ALG13: variants seen among roughly 807,000 people sequenced by gnomAD.
ALG13 encodes UDP-N-acetylglucosamine transferase subunit ALG13.
In ALG13, 11 loss-of-function variants were observed where a neutral mutation model predicts 87.8. That is an observed-to-expected ratio of 0.13 (90% CI 0.08 to 0.21). ALG13 has a LOEUF of 0.21. ALG13 is among the 10% of genes least tolerant of loss of function. ALG13 has a pLI of 1.00. For synonymous variants in ALG13, 320 were observed against 306.3 expected (o/e 1.04, Z -0.47); for missense variants, 756 against 866.1 (o/e 0.87, Z 1.60).
chrX:111,744,674 C>G lies in ALG13; in HGVS notation c.2702C>G (p.Ala901Gly), dbSNP rs1445328051. ...SPPTHGRPVIASPSYPCHSAI... is the reference protein window; with the variant it reads ...SPPTHGRPVIGSPSYPCHSAI... ...TGTTTTGTTTCTTTGTTAGTGATTG[C>G]CTCACCATCCTATCCATGCCATTCT... Residue 901 changes from alanine to glycine, a missense_variant, in exon 24 of 27, where the codon GCC becomes GGC. This residue lies in a region of ALG13 where 362 missense variants were observed against 383.5 expected (regional missense o/e 0.94). Transcript: ENST00000394780. 2.5e-6 allele frequency: 3 copies of G among 1,182,108 alleles called. No individual in the cohort carries two copies. The highest frequency in any genetic ancestry group is 3.4e-6 in the Non-Finnish European group (3 of 883,429).
At chrX:111,708,827 A>G (rs1939229203) in intron 4 of ALG13, 138 bp from the exon 5 acceptor site, 1 of 402,611 alleles carries the variant, frequency 2.5e-6, no homozygotes, top group Non-Finnish European at 4.2e-6. Context: ...AAAAACTTTT[A>G]GTAAGATGAT....
rs769342903 is a variant in ALG13 at position 111,727,657 on chromosome X, G to A, written c.2134G>A (p.Glu712Lys). The A allele has an allele frequency of 9.9e-6, 12 of 1,207,931 alleles. No individual in the cohort carries two copies. ...CCGCCAGATGAGTTGTGTGAATAAG[G>A]AGTCCCAGTATGGATTTACCCCAGG... ...SHRQMSCVNKESQYGFTPGNG... is the reference protein window; with the variant it reads ...SHRQMSCVNKKSQYGFTPGNG... The change falls in exon 18 of 27, where the codon GAG (glutamate) becomes AAG (lysine). Residue 712 changes from glutamate to lysine, a missense_variant. By Grantham distance (56) the Glu-to-Lys change is moderately conservative (BLOSUM62 1). Around this residue, in one of 9 missense-constraint regions of ALG13, gnomAD observed 362 missense variants for 383.5 expected, o/e 0.94. Coordinates refer to ENST00000394780, the MANE Select transcript of ALG13 (RefSeq NM_001099922.3).
At chrX:111,693,903 C>T (rs1936573242) in intron 3 of ALG13, among the ~76,000 whole-genome samples, 1 of 111,193 alleles carries the variant, frequency 9.0e-6, no homozygotes, top group East Asian at 2.8e-4. Flanking sequence ...TAGGCTGAGG[C>T]GAACTTCAGT....
In ALG13 at chrX:111,708,248, A is replaced by G; in HGVS notation, c.605A>G (p.Tyr202Cys). 8.3e-7 allele frequency: 1 copy of G among 1,209,676 alleles called. No individual in the cohort carries two copies. The highest frequency in any genetic ancestry group is 3.0e-5 in the East Asian group (1 of 33,745). Residue 202 changes from tyrosine (Y) to cysteine (C), a missense_variant, in exon 4 of 27, where the codon TAC becomes TGC. Around this residue, in one of 9 missense-constraint regions of ALG13, gnomAD observed 153 missense variants for 168.7 expected, o/e 0.91. Coordinates refer to ENST00000394780, the MANE Select transcript of ALG13 (RefSeq NM_001099922.3). Reference protein sequence around the residue: ...FFPLPLTPTLYKMHKGWKNYC... With the variant: ...FFPLPLTPTLCKMHKGWKNYC... The stretch of plus-strand genomic sequence containing the variant: ...CCTCTCCCTCTTACCCCCACCCTGT[A>G]CAAAATGCATAAAGGATGGAAAAAC...
intron 26 of ALG13, among the ~76,000 whole-genome samples, chrX:111,759,524 T>G (rs1945566049): frequency 8.9e-6 from 1 of 112,118 alleles, no homozygotes; most frequent in Non-Finnish European, 1.9e-5. Flanking sequence ...TGAATAGATT[T>G]GACACATATA....
Position 111,684,836 on chromosome X carries a change from A to G in ALG13, c.245-129A>G, listed in dbSNP as rs935275913. The G allele has an allele frequency of 3.3e-5, 19 of 577,588 alleles. 1 individual carries two copies. Among genetic ancestry groups the G allele is most frequent in the Middle Eastern group, 1.1e-3 (2 of 1,821 alleles). 47.6% of individuals were successfully genotyped at this position (577,588 alleles called of 1,213,427 possible). A position where few individuals can be genotyped will look rare whatever the true frequency, so the allele number is the denominator to read the frequency against. On this transcript the variant is annotated intron_variant, in intron 2 of 26. Coordinates refer to ENST00000394780, the MANE Select transcript of ALG13 (RefSeq NM_001099922.3). ...ACTATACTCTTGTCATTTTGAATGTATAATTGAAAGACCTAGTTTGTAGTT... is the reference window on the plus strand; with the variant it reads ...ACTATACTCTTGTCATTTTGAATGTGTAATTGAAAGACCTAGTTTGTAGTT...
At chrX:111,751,159 C>A (rs1351630684) in intron 24 of ALG13, among the ~76,000 whole-genome samples, 1 of 106,488 alleles carries the variant, frequency 9.4e-6, no homozygotes, top group Non-Finnish European at 1.9e-5. Flanking sequence ...ACCTCCACCT[C>A]CCAGGTTCAA....
chrX:111,756,176 C>T (rs1327668034), intron 25 of ALG13, among the ~76,000 whole-genome samples: 1 of 111,795 alleles, frequency 8.9e-6, no homozygotes, highest in Non-Finnish European at 1.9e-5. Flanking sequence ...AAACCAAACA[C>T]CGCATGTTCT....
intron 3 of ALG13, 117 bp downstream of exon 3, chrX:111,685,220 A>C: frequency 1.2e-6 from 1 of 811,054 alleles, no homozygotes; most frequent in Non-Finnish European, 1.8e-6. Flanking sequence ...CAGTTACCAA[A>C]CCTTTTGATT....
chrX:111,735,854 G>A (rs1187885921), intron 22 of ALG13, among the ~76,000 whole-genome samples: 1 of 110,521 alleles, frequency 9.0e-6, no homozygotes, highest in Non-Finnish European at 1.9e-5. Context: ...AGAAGAATCT[G>A]TTACCATTTA....
Position 111,695,074 on chromosome X carries a change from C to G in ALG13, c.383+9971C>G, listed in dbSNP as rs761614369. ...ATTGAATTTCATGTTTAAACTCATA[C>G]TCAGTTTCTAATTGGGGTTATAGTT... On this transcript the variant is annotated intron_variant, in intron 3 of 26. Transcript: ENST00000394780. 3.6e-5 allele frequency among the ~76,000 whole-genome samples: 4 copies of G among 111,961 alleles called. No individual in the cohort carries two copies. The East Asian group carries it at 1.1e-3, about 31-fold the overall frequency.
intron 24 of ALG13, among the ~76,000 whole-genome samples, chrX:111,751,251 T>C (rs924777879): frequency 9.1e-5 from 10 of 109,679 alleles, no homozygotes; most frequent in African/African-American, 3.3e-4. Flanking sequence ...GTATTTTTAG[T>C]AGAGACGGGG....
intron 24 of ALG13, among the ~76,000 whole-genome samples, chrX:111,749,609 A>C (rs1284335906): frequency 9.1e-6 from 1 of 109,698 alleles, no homozygotes; most frequent in African/African-American, 3.3e-5. Flanking sequence ...TCATGAACAT[A>C]GTATCATAGT....
At chrX:111,750,224 A>G (rs1405241943) in intron 24 of ALG13, among the ~76,000 whole-genome samples, 1 of 111,289 alleles carries the variant, frequency 9.0e-6, no homozygotes, top group African/African-American at 3.3e-5. Flanking sequence ...ATTCGTTAGT[A>G]GGTGCTCCCC....
rs2147996566 is a variant in ALG13, at chrX:111,708,116, C to G, written c.473C>G (p.Ser158Ter). ...GCAGCGCTGACTTCAACTGCCTTTT[C>G]AGGCCTAGACTTTGGGCTGCTTTCC... The part of the protein sequence containing the change: ...DSAALTSTAF[S>*]GLDFGLLSGY... The change falls in exon 4 of 27, where the codon TCA (serine) becomes TGA (stop). Residue 158 changes from serine to a stop codon, truncating the protein, a stop_gained. Coordinates refer to ENST00000394780, the MANE Select transcript of ALG13 (RefSeq NM_001099922.3). LOFTEE classifies it high-confidence loss of function. 1.7e-6 allele frequency: 2 copies of G among 1,211,693 alleles called. No individual in the cohort carries two copies. The highest frequency in any genetic ancestry group is 2.2e-6 in the Non-Finnish European group (2 of 895,425).
At chrX:111,704,252 A>G (rs780801227) in intron 3 of ALG13, among the ~76,000 whole-genome samples, 1 of 111,756 alleles carries the variant, frequency 8.9e-6, no homozygotes, top group East Asian at 2.8e-4. Flanking sequence ...CTCATACACT[A>G]TTGGTAAGAA....
chrX:111,713,447 G>C, intron 8 of ALG13, 150 bp downstream of exon 8: 1 of 447,440 alleles, frequency 2.2e-6, no homozygotes, highest in Non-Finnish European at 3.8e-6. Context: ...TCTCTAGTCA[G>C]TTAATCTCAG....
At chrX:111,729,339 ATGACT>A (rs781375426) in intron 19 of ALG13, among the ~76,000 whole-genome samples, 1 of 111,593 alleles carries the variant, frequency 9.0e-6, no homozygotes, top group African/African-American at 3.3e-5. Flanking sequence ...GGCATTCCTA[ATGACT>A]TGACTTATGA....
chrX:111,706,125 G>A (rs1602624691), intron 3 of ALG13, among the ~76,000 whole-genome samples: 1 of 110,051 alleles, frequency 9.1e-6, no homozygotes, highest in East Asian at 2.9e-4. Context: ...TGTGATCTCG[G>A]CTCATGCCAT....
Sources: allele counts gnomAD v4.1 joint callset (sites outside exome capture counted in the v4.1 genomes callset), GRCh38; gene constraint gnomAD v4.1.1; regional missense constraint gnomAD v4.1.1; transcripts MANE v1.5; gene names NCBI Gene and HGNC (gene_info 2026-07-23, HGNC 2026-07-21).